The following STXBP5 variants were observed in gnomAD, a reference collection of about 807,000 sequenced individuals.
STXBP5 encodes the protein syntaxin binding protein 5, also known as syntaxin-binding protein 5.
In STXBP5, 50 loss-of-function variants were observed where a neutral mutation model predicts 152.4. That is an observed-to-expected ratio of 0.33 (90% CI 0.26 to 0.42). STXBP5 has a LOEUF of 0.42. Ranked by LOEUF, STXBP5 falls within the 10% of genes least tolerant of loss-of-function variation. STXBP5 has a pLI of 1.00. For missense variants in STXBP5, 1,167 were observed against 1,388.6 expected (o/e 0.84, Z 2.54); for synonymous variants, 492 against 494.7 (o/e 0.99, Z 0.07).
At chr6:147,223,466 AG>A (rs1482284304) in intron 2 of STXBP5, among the ~76,000 whole-genome samples, 1 of 152,234 alleles carries the variant, frequency 6.6e-6, no homozygotes, top group Non-Finnish European at 1.5e-5. Context: ...GGGAGGAGAT[AG>A]GGAATTCATG....
chr6:147,253,946 T>G (rs1310978606), intron 4 of STXBP5, among the ~76,000 whole-genome samples: 3 of 152,140 alleles, frequency 2.0e-5, no homozygotes. Flanking sequence ...AAAAAAAACT[T>G]TAAATTTTAT....
At chr6:147,290,398 A>G (rs1239138165) in intron 8 of STXBP5, among the ~76,000 whole-genome samples, 1 of 152,210 alleles carries the variant, frequency 6.6e-6, no homozygotes, top group Non-Finnish European at 1.5e-5. Context: ...ACCATTCCCA[A>G]GTTAGGTGAT....
chr6:147,339,148 C>T lies in STXBP5; in HGVS notation c.2147-31C>T, dbSNP rs1010862801. 89 of 1,519,620 alleles carry T rather than the reference C, an allele frequency of 5.9e-5. No homozygotes were observed. The African/African-American group carries it at 9.8e-4, about 17-fold the overall frequency. The allele number at this position is 1,519,620 out of a possible 1,614,324, so 94.1% of individuals were successfully genotyped here. ...CTCAGTATTTATGACTGACCATCTA[C>T]CTATTCCTTCCGTTGTCTTCATTTG... On this transcript the variant is annotated intron_variant, in intron 19 of 27. Coordinates refer to ENST00000321680, the MANE Select transcript of STXBP5 (RefSeq NM_001127715.4).
At chr6:147,244,030 A>G (rs937922569) in intron 4 of STXBP5, among the ~76,000 whole-genome samples, 5 of 152,180 alleles carry the variant, frequency 3.3e-5, no homozygotes, top group African/African-American at 9.6e-5. Flanking sequence ...TCTGGATTCA[A>G]CCATCAGCAG....
chr6:147,363,918 G>A (rs1785179028), intron 24 of STXBP5, 83 bp from the exon 25 acceptor site: 3 of 1,463,790 alleles, frequency 2.0e-6, no homozygotes, highest in Non-Finnish European at 2.8e-6. Context: ...GATTTATGAG[G>A]TCTCTGCCAT....
At chr6:147,282,244 G>C (rs547832541) in intron 8 of STXBP5, among the ~76,000 whole-genome samples, 5 of 152,316 alleles carry the variant, frequency 3.3e-5, no homozygotes, top group Admixed American at 6.5e-5. Context: ...GTATGTCATA[G>C]TGAAAGAAGT....
At chr6:147,380,223 GAAAA>G (rs1370866047) in intron 26 of STXBP5, among the ~76,000 whole-genome samples, 1 of 143,300 alleles carries the variant, frequency 7.0e-6, no homozygotes, top group Non-Finnish European at 1.5e-5. Context: ...TATTGAAAAA[GAAAA>G]AAGCTGGAGG....
chr6:147,266,528 A>G (rs534314317), intron 6 of STXBP5, among the ~76,000 whole-genome samples: 35 of 152,222 alleles, frequency 2.3e-4, no homozygotes, highest in Admixed American at 1.9e-3. Context: ...CCGGGTTTCT[A>G]GCTGGTGCCA....
At chr6:147,238,717 A>G (rs1232061242) in intron 3 of STXBP5, among the ~76,000 whole-genome samples, 2 of 152,192 alleles carry the variant, frequency 1.3e-5, no homozygotes, top group East Asian at 1.9e-4. Context: ...TTTCCGTACC[A>G]TTCTAGTAGT....
chr6:147,262,187 A>G (rs1229751711), intron 5 of STXBP5, 103 bp from the exon 6 acceptor site: 6 of 720,274 alleles, frequency 8.3e-6, no homozygotes, highest in Non-Finnish European at 1.1e-5. Flanking sequence ...TTCTTTCTTT[A>G]TAAATATAAC....
rs186246258 is a variant in STXBP5 at position 147,286,897 on chromosome 6, T to C, written c.839-4197T>C. Among the ~76,000 whole-genome samples the C allele has an allele frequency of 4.2e-3, 642 of 152,114 alleles. 5 individuals carry two copies. The highest frequency in any genetic ancestry group is 0.014 in the African/African-American group (600 of 41,508). On this transcript the variant is annotated intron_variant, in intron 8 of 27. Transcript: ENST00000321680. The stretch of plus-strand genomic sequence containing the variant: ...ATCTTACAGATATTCTTCTAAAATA[T>C]AGGTATTTCTAAAATCATGTGTATT...
At chr6:147,378,009 TTA>T (rs1444091751) in intron 26 of STXBP5, among the ~76,000 whole-genome samples, 2 of 152,150 alleles carry the variant, frequency 1.3e-5, no homozygotes, top group Non-Finnish European at 2.9e-5. Flanking sequence ...GTTTTACCAA[TTA>T]TAACAATGAA....
intron 26 of STXBP5, among the ~76,000 whole-genome samples, chr6:147,381,755 C>T (rs1415230222): frequency 6.6e-6 from 1 of 152,108 alleles, no homozygotes; most frequent in East Asian, 1.9e-4. Flanking sequence ...TTTGACGTTA[C>T]TCTCAGTGAA....
At chr6:147,377,800 G>A (rs756414522) in intron 26 of STXBP5, among the ~76,000 whole-genome samples, 104 of 152,128 alleles carry the variant, frequency 6.8e-4, no homozygotes, top group Non-Finnish European at 2.9e-4. Flanking sequence ...GAGGGTGGGG[G>A]ACATAACTGT....
chr6:147,235,525 C>A (rs1778227694), intron 3 of STXBP5, among the ~76,000 whole-genome samples, 194 bp downstream of exon 3: 1 of 152,080 alleles, frequency 6.6e-6, no homozygotes, highest in South Asian at 2.1e-4. Context: ...AATGTTTTCT[C>A]AAGACAGTGT....
At chr6:147,215,063 A>G (rs1777090522) in intron 2 of STXBP5, among the ~76,000 whole-genome samples, 1 of 152,228 alleles carries the variant, frequency 6.6e-6, no homozygotes, top group Non-Finnish European at 1.5e-5. Context: ...GGTAGGCTTT[A>G]TGGTCTCTGT....
chr6:147,294,736 A>G (rs1363940233), intron 9 of STXBP5, among the ~76,000 whole-genome samples: 7 of 152,316 alleles, frequency 4.6e-5, no homozygotes, highest in African/African-American at 1.7e-4. Flanking sequence ...GGTTGTGAAA[A>G]TAGTTTTGCC....
chr6:147,368,250 A>G (rs904504416), intron 25 of STXBP5, among the ~76,000 whole-genome samples: 3 of 116,540 alleles, frequency 2.6e-5, no homozygotes. Context: ...TATAAAAGCA[A>G]AATTTGTTAA....
intron 17 of STXBP5, 62 bp from the exon 18 acceptor site, chr6:147,327,063 G>A (rs1783297885): frequency 6.1e-6 from 9 of 1,481,280 alleles, no homozygotes; most frequent in Non-Finnish European, 8.3e-6. Flanking sequence ...CTTATAGACT[G>A]TAGTACATTT....
Sources: allele counts gnomAD v4.1 joint callset (sites outside exome capture counted in the v4.1 genomes callset), GRCh38; gene constraint gnomAD v4.1.1; transcripts MANE v1.5; gene names NCBI Gene and HGNC (gene_info 2026-07-23, HGNC 2026-07-21).